The following SHTN1 variants were observed in gnomAD, a reference collection of about 807,000 sequenced individuals.
The protein encoded by SHTN1 is shootin 1.
In SHTN1, 42 loss-of-function variants were observed where a neutral mutation model predicts 83.1. The observed-to-expected ratio is 0.51, with a 90% CI of 0.39 to 0.65. The LOEUF is 0.65. Ranked by LOEUF, SHTN1 falls within the 30% of genes least tolerant of loss-of-function variation. The probability of loss-of-function intolerance (pLI) is 0.00; values close to 1 mark genes in which losing one functional copy is unlikely to be tolerated. For synonymous variants in SHTN1, 224 were observed against 247.7 expected, an observed-to-expected ratio of 0.90 and a Z score of 0.90; for missense variants, 622 against 737.8, an observed-to-expected ratio of 0.84 and a Z score of 1.82.
chr10:117,030,032 G>A (rs1355520770), intron 2 of SHTN1, among the ~76,000 whole-genome samples: 1 of 151,902 alleles, frequency 6.6e-6, no homozygotes, highest in Non-Finnish European at 1.5e-5. Context: ...GGGCCTACAG[G>A]TGCATGCCAT....
chr10:116,901,257 ACT>A (rs1321420101), intron 16 of SHTN1: 1 of 985,150 alleles, frequency 1.0e-6, no homozygotes, highest in East Asian at 1.1e-4. Context: ...TCAAAGTGCC[ACT>A]CTGAAGCAAG....
At chr10:117,084,639 G>A (rs1268739518) in intron 1 of SHTN1, among the ~76,000 whole-genome samples, 4 of 151,760 alleles carry the variant, frequency 2.6e-5, no homozygotes, top group African/African-American at 9.7e-5. Context: ...CCCCAGCCTC[G>A]CTGCCGCCTT....
intron 1 of SHTN1, among the ~76,000 whole-genome samples, chr10:117,071,450 T>C (rs1013240115): frequency 1.3e-5 from 2 of 152,190 alleles, no homozygotes; most frequent in African/African-American, 2.4e-5. Context: ...TCAGTGAATA[T>C]TGCTATTCTC....
chr10:117,055,613 A>G, intron 1 of SHTN1, among the ~76,000 whole-genome samples: 1 of 152,224 alleles, frequency 6.6e-6, no homozygotes, highest in Middle Eastern at 3.2e-3. Context: ...TGCACCTGTA[A>G]TTCCAGCTAC....
chr10:117,105,600 G>A (rs1044956041), intron 1 of SHTN1, among the ~76,000 whole-genome samples: 7 of 152,184 alleles, frequency 4.6e-5, no homozygotes, highest in African/African-American at 1.4e-4. Flanking sequence ...TTTTACAAAC[G>A]TAGTCCAAAG....
At chr10:116,899,226 T>A (rs879808199) in intron 16 of SHTN1, among the ~76,000 whole-genome samples, 2 of 151,872 alleles carry the variant, frequency 1.3e-5, no homozygotes, top group Admixed American at 1.3e-4. Flanking sequence ...ATAAATAAAG[T>A]ATATAGTAAG....
At chr10:116,924,293 T>TG (rs1188944416) in intron 11 of SHTN1, among the ~76,000 whole-genome samples, 1 of 152,144 alleles carries the variant, frequency 6.6e-6, no homozygotes, top group Non-Finnish European at 1.5e-5. Context: ...ACCTTACCCT[T>TG]GCACCACACT....
intron 2 of SHTN1, among the ~76,000 whole-genome samples, chr10:117,035,140 T>C (rs1266133629): frequency 6.6e-6 from 1 of 152,026 alleles, no homozygotes; most frequent in African/African-American, 2.4e-5. Flanking sequence ...AACAAATAAA[T>C]AGACCATTGG....
At chr10:117,007,073 G>A (rs1256237831), upstream of SHTN1, among the ~76,000 whole-genome samples, 1 of 151,988 alleles carries the variant, frequency 6.6e-6, no homozygotes, top group East Asian at 1.9e-4. Context: ...ATATGGGATT[G>A]TATTATTCAG....
intron 2 of SHTN1, among the ~76,000 whole-genome samples, chr10:117,024,093 T>A (rs1350533834): frequency 4.0e-5 from 1 of 24,708 alleles, no homozygotes; most frequent in Non-Finnish European, 1.1e-4. Context: ...ATTGCTGTGG[T>A]CAGGCACTCT....
Position 116,906,316 on chromosome 10 carries a change from C to T in SHTN1, c.1480+311G>A, listed in dbSNP as rs7070514. Among the ~76,000 whole-genome samples the T allele has an allele frequency of 4.0e-3, 612 of 152,324 alleles. 4 individuals carry two copies. The highest frequency in any genetic ancestry group is 0.014 in the African/African-American group (584 of 41,564). ...AAACTTGGGTGGTCTGGCTCCAGAG[C>T]CTGTACTTGATGCTATATTGTTGCC... is the stretch of plus-strand genomic sequence containing the variant. On this transcript the variant is annotated intron_variant, in intron 15 of 16. Transcript: ENST00000355371.
chr10:117,100,997 G>T (rs139077848), intron 1 of SHTN1, among the ~76,000 whole-genome samples: 1 of 152,198 alleles, frequency 6.6e-6, no homozygotes, highest in Non-Finnish European at 1.5e-5. Context: ...CCTTGGTAAA[G>T]ACTGGATTTT....
chr10:116,963,035 G>GTTTT (rs71013628), intron 3 of SHTN1, among the ~76,000 whole-genome samples: 1 of 45,258 alleles, frequency 2.2e-5, no homozygotes, highest in African/African-American at 7.1e-5. Flanking sequence ...AATAATAAAA[G>GTTTT]TTTTTTTTTT....
intron 14 of SHTN1, 49 bp downstream of exon 14, chr10:116,911,741 T>TCC: frequency 1.3e-6 from 2 of 1,571,682 alleles, no homozygotes; most frequent in Non-Finnish European, 1.7e-6. Flanking sequence ...TAAAATACTC[T>TCC]CCTTTCATTT....
intron 1 of SHTN1, among the ~76,000 whole-genome samples, chr10:117,091,779 A>G (rs546038263): frequency 6.6e-6 from 1 of 152,320 alleles, no homozygotes; most frequent in South Asian, 2.1e-4. Context: ...ATCCATCAAG[A>G]CCGAAGGCAA....
At chr10:116,997,271 T>C (rs1851658534) in intron 1 of SHTN1, among the ~76,000 whole-genome samples, 1 of 152,222 alleles carries the variant, frequency 6.6e-6, no homozygotes, top group African/African-American at 2.4e-5. Flanking sequence ...CTAACACTTT[T>C]CTAAATGTAT....
chr10:117,073,205 G>C, intron 1 of SHTN1, among the ~76,000 whole-genome samples: 1 of 152,072 alleles, frequency 6.6e-6, no homozygotes, highest in East Asian at 1.9e-4. Context: ...AAGAAATTTG[G>C]GATTATGTTA....
intron 16 of SHTN1, chr10:116,901,513 G>A: frequency 1.0e-6 from 1 of 985,290 alleles, no homozygotes; most frequent in Admixed American, 6.1e-5. Context: ...AATTATTTGT[G>A]TAGAAGAACC....
chr10:116,993,103 C>A (rs1851505253), intron 1 of SHTN1, among the ~76,000 whole-genome samples: 1 of 149,606 alleles, frequency 6.7e-6, no homozygotes, highest in African/African-American at 2.5e-5. Context: ...GCAACCTCCG[C>A]CTCCCGGGTT....
Sources: allele counts gnomAD v4.1 joint callset (sites outside exome capture counted in the v4.1 genomes callset), GRCh38; gene constraint gnomAD v4.1.1; transcripts MANE v1.5; gene names NCBI Gene and HGNC (gene_info 2026-07-23, HGNC 2026-07-21).